GNB4: variants seen among roughly 807,000 people sequenced by gnomAD.
GNB4 encodes the protein G protein subunit beta 4.
In GNB4, 28 loss-of-function variants were observed where a neutral mutation model predicts 45.2. The ratio of observed to expected loss-of-function variants is 0.62; its 90% CI spans 0.46 to 0.85. The LOEUF (loss-of-function observed/expected upper bound fraction) is 0.85. GNB4 is among the 40% of genes least tolerant of loss of function. The pLI is 0.00. For synonymous variants in GNB4, 132 were observed against 143.7 expected (o/e 0.92, Z 0.58); for missense variants, 321 against 425.4 (o/e 0.75, Z 2.16).
intron 2 of GNB4, among the ~76,000 whole-genome samples, chr3:179,421,876 A>G (rs1714991182): frequency 6.6e-6 from 1 of 152,256 alleles, no homozygotes; most frequent in Non-Finnish European, 1.5e-5. Flanking sequence ...GGAATAATGT[A>G]GCCCACTTTC....
chr3:179,464,286 C>G, the GNB4 span: 1 of 538,404 alleles, frequency 1.9e-6, no homozygotes, highest in Admixed American at 3.0e-5. Context: ...TAGAGAGACT[C>G]CATCTCTACT....
chr3:179,513,136 C>T, the GNB4 span, among the ~76,000 whole-genome samples: 5 of 149,210 alleles, frequency 3.4e-5, no homozygotes, highest in Admixed American at 3.4e-4. Flanking sequence ...ATTACATATA[C>T]TTAAAATTTT....
the GNB4 span, among the ~76,000 whole-genome samples, chr3:179,511,220 C>A: frequency 6.6e-6 from 1 of 152,200 alleles, no homozygotes; most frequent in Non-Finnish European, 1.5e-5. Flanking sequence ...TCATCCTTTG[C>A]CACACGGCTC....
the GNB4 span, among the ~76,000 whole-genome samples, chr3:179,515,048 G>A: frequency 6.6e-6 from 1 of 152,188 alleles, no homozygotes; most frequent in Non-Finnish European, 1.5e-5. Flanking sequence ...GTGAGAGCCT[G>A]ATATTGAAAA....
At chr3:179,444,019 G>A (rs1715657894) in intron 1 of GNB4, among the ~76,000 whole-genome samples, 1 of 152,012 alleles carries the variant, frequency 6.6e-6, no homozygotes, top group Admixed American at 6.6e-5. Flanking sequence ...CATATACCAA[G>A]ACTGCTCTTC....
chr3:179,470,817 GT>G, the GNB4 span, among the ~76,000 whole-genome samples: 1 of 152,058 alleles, frequency 6.6e-6, no homozygotes, highest in South Asian at 2.1e-4. Flanking sequence ...GTGTGTCTGC[GT>G]TTTAAGCTAA....
Position 179,434,464 on chromosome 3 carries a change from T to C in GNB4, c.-42-8222A>G, listed in dbSNP as rs1715391133. The stretch of plus-strand genomic sequence containing the variant: ...GGCCAGGCGCAGTGGCTCACACCTG[T>C]AATCTCAGAGCTTTGAGAGGCTGAG... On this transcript the variant is annotated intron_variant, in intron 1 of 9. Coordinates refer to ENST00000232564, the MANE Select transcript of GNB4 (RefSeq NM_021629.4). Among the ~76,000 whole-genome samples the C allele has an allele frequency of 2.0e-5, 3 of 152,122 alleles. No individual in the cohort carries two copies. The South Asian group carries it at 6.2e-4, about 31-fold the overall frequency.
At chr3:179,459,552 C>A in the GNB4 span, among the ~76,000 whole-genome samples, 1 of 152,088 alleles carries the variant, frequency 6.6e-6, no homozygotes, top group Non-Finnish European at 1.5e-5. Context: ...CTTGGTGATA[C>A]ATGCCTGTAA....
At chr3:179,503,744 G>A in the GNB4 span, among the ~76,000 whole-genome samples, 167 of 152,250 alleles carry the variant, frequency 1.1e-3, no homozygotes, top group African/African-American at 3.9e-3. Context: ...CTTCATGGTG[G>A]GTTGGCTTAT....
chr3:179,450,090 C>A (rs1333759561), intron 1 of GNB4, among the ~76,000 whole-genome samples: 1 of 152,068 alleles, frequency 6.6e-6, no homozygotes, highest in African/African-American at 2.4e-5. Flanking sequence ...GGGTTGACAA[C>A]GTTCAATAAG....
At chr3:179,516,455 G>A in the GNB4 span, among the ~76,000 whole-genome samples, 2 of 152,204 alleles carry the variant, frequency 1.3e-5, no homozygotes, top group East Asian at 1.9e-4. Flanking sequence ...CTCAGGGAAT[G>A]TGAATAAAGT....
intron 1 of GNB4, among the ~76,000 whole-genome samples, chr3:179,433,000 GC>G (rs1715349023): frequency 6.6e-6 from 1 of 152,180 alleles, no homozygotes; most frequent in South Asian, 2.1e-4. Context: ...ACTAACTGCA[GC>G]ATCAATTAAT....
the GNB4 span, among the ~76,000 whole-genome samples, chr3:179,487,006 T>C: frequency 2.0e-5 from 3 of 152,290 alleles, no homozygotes; most frequent in East Asian, 5.8e-4. Flanking sequence ...TAGACAACAC[T>C]TCTATTCAAA....
the GNB4 span, among the ~76,000 whole-genome samples, chr3:179,523,372 G>A: frequency 6.6e-6 from 1 of 152,280 alleles, no homozygotes; most frequent in South Asian, 2.1e-4. Context: ...CTGGGATGAA[G>A]GGTGCAAAGG....
chr3:179,434,299 A>T (rs1715386387), intron 1 of GNB4, among the ~76,000 whole-genome samples: 1 of 152,254 alleles, frequency 6.6e-6, no homozygotes, highest in African/African-American at 2.4e-5. Context: ...AGTTACATGC[A>T]ACATAGATAA....
intron 6 of GNB4, 58 bp downstream of exon 6, chr3:179,414,827 A>T: frequency 7.1e-7 from 1 of 1,400,388 alleles, no homozygotes; most frequent in Non-Finnish European, 9.7e-7. Flanking sequence ...TTTGTCCTTG[A>T]TCAGCACATT....
At chr3:179,429,010 C>T (rs1180123546) in intron 1 of GNB4, among the ~76,000 whole-genome samples, 1 of 152,160 alleles carries the variant, frequency 6.6e-6, no homozygotes, top group African/African-American at 2.4e-5. Flanking sequence ...GTTCCCTCAC[C>T]ACCATCACTC....
At chr3:179,411,482 G>T (rs1247392428) in intron 8 of GNB4, among the ~76,000 whole-genome samples, 1 of 141,826 alleles carries the variant, frequency 7.1e-6, no homozygotes, top group East Asian at 2.0e-4. Flanking sequence ...AAAAAAAACA[G>T]GAGAAAATCA....
chr3:179,426,856 G>A (rs1051744751), intron 1 of GNB4, among the ~76,000 whole-genome samples: 5 of 151,902 alleles, frequency 3.3e-5, no homozygotes, highest in African/African-American at 9.7e-5. Flanking sequence ...TGCTGCCCTC[G>A]ACCACTCTCT....
Sources: allele counts gnomAD v4.1 joint callset (sites outside exome capture counted in the v4.1 genomes callset), GRCh38; gene constraint gnomAD v4.1.1; transcripts MANE v1.5; gene names NCBI Gene and HGNC (gene_info 2026-07-23, HGNC 2026-07-21).